KDR: variants seen among roughly 807,000 people sequenced by gnomAD.
The protein encoded by KDR is kinase insert domain receptor.
In KDR, 43 loss-of-function variants were observed where a neutral mutation model predicts 160.9. That is an observed-to-expected ratio of 0.27 (90% CI 0.21 to 0.34). The LOEUF (loss-of-function observed/expected upper bound fraction) is 0.34. KDR is among the 10% of genes least tolerant of loss of function. The probability of loss-of-function intolerance (pLI) is 1.00; values close to 1 mark genes in which losing one functional copy is unlikely to be tolerated. For missense variants in KDR, 1,469 were observed against 1,666.4 expected (o/e 0.88, Z 2.06); for synonymous variants, 617 against 600.1 (o/e 1.03, Z -0.41).
chr4:55,112,299 CT>C (rs1296616037), intron 7 of KDR, among the ~76,000 whole-genome samples: 1 of 152,086 alleles, frequency 6.6e-6, no homozygotes, highest in South Asian at 2.1e-4. Flanking sequence ...GGATGAAGAC[CT>C]TTATGATGAT....
At position 55,092,404 on chromosome 4, in the gene KDR, C is replaced by A; in HGVS notation, c.3069+213G>T. Reference sequence around the variant, plus strand: ...AAGACTGCCTCACACTTAGTAGATGCTTGACAAGCCTTTATTATACAGCTT... The same window carrying A: ...AAGACTGCCTCACACTTAGTAGATGATTGACAAGCCTTTATTATACAGCTT... On this transcript the variant is annotated intron_variant, in intron 22 of 29. Coordinates refer to ENST00000263923, the MANE Select transcript of KDR (RefSeq NM_002253.4). The A allele has an allele frequency of 2.1e-5, 12 of 561,270 alleles. No homozygotes were observed. In the South Asian group the frequency reaches 2.3e-4, roughly 11 times the overall value. The allele number at this position is 561,270 out of a possible 1,614,324, so 34.8% of individuals were successfully genotyped here. A position where few individuals can be genotyped will look rare whatever the true frequency, so the allele number is the denominator to read the frequency against.
Position 55,118,544 on chromosome 4 carries a change from C to T in KDR, c.358+60G>A. Reference sequence around the variant, plus strand: ...TTGTTGTACTCAATTCTTCTTTGAGCCTATTGTCTTTTATAACTGGTAAAG... The same window carrying T: ...TTGTTGTACTCAATTCTTCTTTGAGTCTATTGTCTTTTATAACTGGTAAAG... On this transcript the variant is annotated intron_variant, in intron 3 of 29. Coordinates refer to ENST00000263923, the MANE Select transcript of KDR (RefSeq NM_002253.4). 3.8e-6 allele frequency: 5 copies of T among 1,309,524 alleles called. No homozygotes were observed. In the Admixed American group the frequency reaches 6.7e-5, roughly 18 times the overall value. 81.1% of individuals were successfully genotyped at this position (1,309,524 alleles called of 1,614,324 possible). A position where few individuals can be genotyped will look rare whatever the true frequency, so the allele number is the denominator to read the frequency against.
At position 55,095,158 on chromosome 4, in the gene KDR, C is replaced by T. The variant is rs182511114; in HGVS notation, c.2818-203G>A. ...GCATAATAGGGTTTCTTCCACAAAG[C>T]CTAGCTCCTTCTTTAGCTTAAAGTG... On this transcript the variant is annotated intron_variant, in intron 20 of 29. Transcript: ENST00000263923. Among the ~76,000 whole-genome samples, 297 of 152,260 alleles carry T rather than the reference C, an allele frequency of 2.0e-3. 2 individuals carry two copies. The highest frequency in any genetic ancestry group is 1.1e-3 in the Non-Finnish European group (78 of 68,026).
rs1297567474 is a variant in KDR at position 55,078,667 on chromosome 4, AGT to A, written c.*1272_*1273del. On this transcript the variant is annotated 3_prime_UTR_variant, in exon 30 of 30. Coordinates refer to ENST00000263923, the MANE Select transcript of KDR (RefSeq NM_002253.4). ...ATATATGTGCCATAGCATGTCTTAT[AGT>A]CATTGTTCCCAGCATTTCACACTAT... 7 of 232,778 alleles carry A rather than the reference AGT, an allele frequency of 3.0e-5. No homozygotes were observed. The highest frequency in any genetic ancestry group is 5.1e-5 in the Non-Finnish European group (6 of 117,836). 14.4% of individuals were successfully genotyped at this position (232,778 alleles called of 1,614,324 possible). A position where few individuals can be genotyped will look rare whatever the true frequency, so the allele number is the denominator to read the frequency against.
intron 23 of KDR, 31 bp from the exon 24 acceptor site, chr4:55,089,833 C>T (rs376192310): frequency 6.2e-6 from 10 of 1,608,400 alleles, no homozygotes; most frequent in Non-Finnish European, 7.7e-6. Flanking sequence ...GATTCAGAAC[C>T]CAAATTAGCA....
At chr4:55,081,002 A>G (rs557292653) in intron 29 of KDR, among the ~76,000 whole-genome samples, 76 of 152,342 alleles carry the variant, frequency 5.0e-4, no homozygotes, top group Non-Finnish European at 1.2e-4. Context: ...TTTTCTTTCA[A>G]TTCAACCCCA....
chr4:55,119,327 T>C (rs1720809894), intron 2 of KDR, among the ~76,000 whole-genome samples: 1 of 152,250 alleles, frequency 6.6e-6, no homozygotes, highest in African/African-American at 2.4e-5. Flanking sequence ...TAATGCATTC[T>C]TTCTTTCAAC....
At position 55,125,327 on chromosome 4, in the gene KDR, T is replaced by G. The variant is rs1721004574; in HGVS notation, c.-34A>C. On this transcript the variant is annotated 5_prime_UTR_variant, in exon 1 of 30. Transcript: ENST00000263923. Reference sequence around the variant, plus strand: ...TCGAGCCGGGCGAAATGCCCAGAACTCGGGAGCCGGTTCTTTCTCCCAGCG... The same window carrying G: ...TCGAGCCGGGCGAAATGCCCAGAACGCGGGAGCCGGTTCTTTCTCCCAGCG... The G allele has an allele frequency of 6.3e-7, 1 of 1,593,076 alleles. No individual in the cohort carries two copies. Among genetic ancestry groups the G allele is most frequent in the Non-Finnish European group, 8.5e-7 (1 of 1,170,438 alleles).
chr4:55,124,950 G>T (rs1027751023), intron 1 of KDR, among the ~76,000 whole-genome samples: 1 of 152,176 alleles, frequency 6.6e-6, no homozygotes, highest in Non-Finnish European at 1.5e-5. Flanking sequence ...GAGCCTGAGG[G>T]TGTGTCGGCA....
At chr4:55,086,750 G>A (rs1719876052) in intron 27 of KDR, among the ~76,000 whole-genome samples, 1 of 152,138 alleles carries the variant, frequency 6.6e-6, no homozygotes, top group South Asian at 2.1e-4. Context: ...AGCATCCCCT[G>A]CCATGTGGCA....
rs2110032052 is a variant in KDR, at chr4:55,115,341, GT to G, written c.428del (p.Asn143ThrfsTer5). 2 of 1,446,674 alleles carry G rather than the reference GT, an allele frequency of 1.4e-6. No homozygotes were observed. Among genetic ancestry groups the G allele is most frequent in the African/African-American group, 1.4e-5 (1 of 70,044 alleles). 89.6% of individuals were successfully genotyped at this position (1,446,674 alleles called of 1,614,324 possible). A position where few individuals can be genotyped will look rare whatever the true frequency, so the allele number is the denominator to read the frequency against. On this transcript the variant is annotated frameshift_variant, in exon 4 of 30. Coordinates refer to ENST00000263923, the MANE Select transcript of KDR (RefSeq NM_002253.4). LOFTEE classifies it high-confidence loss of function. ...CGAGACATGGAATCACCACAGTTTTGTTTTTGTTCTCAGTAATGTACACGAC... is the reference window on the plus strand; with the variant it reads ...CGAGACATGGAATCACCACAGTTTTGTTTTGTTCTCAGTAATGTACACGAC... The part of the protein sequence containing the change: ...HGVVYITENK[N>X]KTVVIPCLGS...
chr4:55,103,072 A>C (rs1005673335), intron 13 of KDR, among the ~76,000 whole-genome samples: 3 of 152,208 alleles, frequency 2.0e-5, no homozygotes, highest in African/African-American at 7.2e-5. Flanking sequence ...CCTGCAACTA[A>C]GTAAACAGTT....
intron 26 of KDR, 137 bp downstream of exon 26, chr4:55,088,731 C>G: frequency 1.4e-6 from 1 of 711,930 alleles, no homozygotes. Context: ...AGCATTATTA[C>G]TCAGATGTAG....
chr4:55,116,778 A>G (rs1720746177), intron 3 of KDR, among the ~76,000 whole-genome samples: 2 of 152,204 alleles, frequency 1.3e-5, no homozygotes, highest in Non-Finnish European at 2.9e-5. Context: ...GCCAGGGCTC[A>G]CTTCCTGGCT....
Position 55,107,832 on chromosome 4 carries a change from G to A in KDR, c.1317C>T (p.Thr439=). ...AGACCGTACATGTCAGCGTTTGAGT[G>A]GTGCCGTACTGGTAGGAATCCACAG... ...ISPVDSYQYG[T]TQTLTCTVYA... The change falls in exon 10 of 30, where the codon ACC becomes ACT. Residue 439 remains threonine (T), a synonymous_variant. Transcript: ENST00000263923. 1 of 1,613,930 alleles carries A rather than the reference G, an allele frequency of 6.2e-7. No individual in the cohort carries two copies. Among genetic ancestry groups the A allele is most frequent in the Non-Finnish European group, 8.5e-7 (1 of 1,179,902 alleles).
chr4:55,118,842 G>A (rs1008702810), intron 2 of KDR, 42 bp from the exon 3 acceptor site: 21 of 1,503,992 alleles, frequency 1.4e-5, no homozygotes, highest in Non-Finnish European at 1.8e-5. Flanking sequence ...TGAAGTGCCA[G>A]ACTGTGAGGC....
At position 55,098,847 on chromosome 4, in the gene KDR, T is replaced by A. The variant is rs201228748; in HGVS notation, c.2267-44A>T. 2.0e-5 allele frequency: 29 copies of A among 1,442,688 alleles called. 1 individual carries two copies. The Admixed American group carries it at 4.7e-4, about 24-fold the overall frequency. The allele number at this position is 1,442,688 out of a possible 1,614,324, so 89.4% of individuals were successfully genotyped here. A position where few individuals can be genotyped will look rare whatever the true frequency, so the allele number is the denominator to read the frequency against. On this transcript the variant is annotated intron_variant, in intron 15 of 29. Transcript: ENST00000263923. ...ATGAGTATCAACAGTTGGAAACTTA[T>A]ACTTTTTGTTTGTAAGATGACAAAT...
intron 28 of KDR, 67 bp from the exon 29 acceptor site, chr4:55,082,108 C>A (rs1719750358): frequency 4.5e-6 from 5 of 1,113,082 alleles, no homozygotes; most frequent in Admixed American, 1.7e-5. Flanking sequence ...TTTAATTAAG[C>A]TGATTTCTCA....
At chr4:55,117,759 T>G (rs985499845) in intron 3 of KDR, among the ~76,000 whole-genome samples, 2 of 152,152 alleles carry the variant, frequency 1.3e-5, no homozygotes, top group Non-Finnish European at 2.9e-5. Context: ...TTATCTTCAC[T>G]GAAAAGAAAA....
Sources: allele counts gnomAD v4.1 joint callset (sites outside exome capture counted in the v4.1 genomes callset), GRCh38; gene constraint gnomAD v4.1.1; transcripts MANE v1.5; gene names NCBI Gene and HGNC (gene_info 2026-07-23, HGNC 2026-07-21).